Variants in DGKG observed in about 807,000 individuals in gnomAD.
The protein encoded by DGKG is DAG kinase gamma.
In DGKG, 78 loss-of-function variants were observed where a neutral mutation model predicts 105.3. The observed-to-expected ratio is 0.74, with a 90% confidence interval of 0.62 to 0.89. DGKG has a LOEUF of 0.89. Ranked by LOEUF, DGKG falls within the 40% of genes least tolerant of loss-of-function variation. The pLI is 0.00. For missense variants in DGKG, 958 were observed against 1,020.1 expected (o/e 0.94, Z 0.83); for synonymous variants, 346 against 367.1 (o/e 0.94, Z 0.66).
intron 1 of DGKG, among the ~76,000 whole-genome samples, chr3:186,354,849 C>T (rs1726830987): frequency 6.6e-6 from 1 of 152,144 alleles, no homozygotes; most frequent in African/African-American, 2.4e-5. Flanking sequence ...GGCTCCTATT[C>T]TGGCTGGGTA....
chr3:186,249,472 C>T (rs1246844188), intron 19 of DGKG, among the ~76,000 whole-genome samples: 5 of 152,104 alleles, frequency 3.3e-5, no homozygotes, highest in Non-Finnish European at 7.4e-5. Context: ...ATTTTAAATC[C>T]TTCTGTAAAT....
chr3:186,358,918 G>T (rs1461583166), intron 1 of DGKG, among the ~76,000 whole-genome samples: 1 of 152,158 alleles, frequency 6.6e-6, no homozygotes, highest in African/African-American at 2.4e-5. Context: ...TTACATGATG[G>T]TTTGATTTGT....
At chr3:186,276,787 G>T (rs1293064742) in intron 9 of DGKG, among the ~76,000 whole-genome samples, 2 of 152,196 alleles carry the variant, frequency 1.3e-5, no homozygotes, top group Non-Finnish European at 2.9e-5. Flanking sequence ...CTCTTGGGCT[G>T]GTTTCATGAT....
intron 17 of DGKG, among the ~76,000 whole-genome samples, chr3:186,253,662 C>T (rs1455847523): frequency 1.3e-5 from 2 of 152,220 alleles, no homozygotes; most frequent in African/African-American, 4.8e-5. Flanking sequence ...TCTCATCTGA[C>T]TGCAGCAGCT....
In DGKG at chr3:186,194,803, T is replaced by TAAAA. The variant is rs57878064; in HGVS notation, c.1918-6428_1918-6425dup. On this transcript the variant is annotated intron_variant, in intron 21 of 24. Transcript: ENST00000265022. ...CCACGACTCTTTCTTGGTCTTTCTTTAAAAAAAAAAAAAAAAAAAGCCGGG... is the reference window on the plus strand; with the variant it reads ...CCACGACTCTTTCTTGGTCTTTCTTTAAAAAAAAAAAAAAAAAAAAAAAGCCGGG... 2.5e-3 allele frequency among the ~76,000 whole-genome samples: 259 copies of TAAAA among 105,392 alleles called. 6 individuals carry two copies. Among genetic ancestry groups the TAAAA allele is most frequent in the African/African-American group, 8.6e-3 (241 of 27,920 alleles). The allele number at this position is 105,392 out of a possible 152,430, so 69.1% of individuals were successfully genotyped here.
rs148021171 is a variant in DGKG at position 186,267,006 on chromosome 3, G to A, written c.1209+679C>T. ...TAAGATGGGAAGATGGCAAAATTAA[G>A]TGTTTGACGCTTGTTTGAAAGAGGA... is the stretch of plus-strand genomic sequence containing the variant. On this transcript the variant is annotated intron_variant, in intron 13 of 24. Coordinates refer to ENST00000265022, the MANE Select transcript of DGKG (RefSeq NM_001346.3). 5.6e-3 allele frequency among the ~76,000 whole-genome samples: 860 copies of A among 152,338 alleles called. 8 individuals carry two copies. The highest frequency in any genetic ancestry group is 0.031 in the Middle Eastern group (9 of 294).
rs574206412 is a variant in DGKG, at chr3:186,246,763, A to C, written c.1762-4195T>G. Among the ~76,000 whole-genome samples, 7 of 152,308 alleles carry C rather than the reference A, an allele frequency of 4.6e-5. No homozygotes were observed. The South Asian group carries it at 1.5e-3, about 32-fold the overall frequency. ...GAAATTCCCTATGTGTAGGACGCTT[A>C]TCATGGTGGGAAGCTTGTCTGGTGA... On this transcript the variant is annotated intron_variant, in intron 19 of 24. Coordinates refer to ENST00000265022, the MANE Select transcript of DGKG (RefSeq NM_001346.3).
chr3:186,236,929 T>C (rs1275978770), intron 20 of DGKG, among the ~76,000 whole-genome samples: 1 of 152,246 alleles, frequency 6.6e-6, no homozygotes, highest in Non-Finnish European at 1.5e-5. Context: ...ATTCCACAGT[T>C]AGACTTCTCT....
At chr3:186,342,785 T>C (rs994577129) in intron 1 of DGKG, among the ~76,000 whole-genome samples, 1 of 152,162 alleles carries the variant, frequency 6.6e-6, no homozygotes, top group Admixed American at 6.5e-5. Context: ...TAGTTATGAT[T>C]AGATGAGATT....
chr3:186,207,534 A>T (rs542876355), intron 21 of DGKG: 1 of 979,438 alleles, frequency 1.0e-6, no homozygotes. Context: ...GTTACATAAA[A>T]AAACAAAAAC....
chr3:186,229,957 G>A (rs1291960627), intron 20 of DGKG, among the ~76,000 whole-genome samples: 4 of 152,172 alleles, frequency 2.6e-5, no homozygotes, highest in South Asian at 2.1e-4. Flanking sequence ...GGGACAGAAT[G>A]TGTCAAAAAC....
chr3:186,331,438 T>C (rs545180511), intron 1 of DGKG, among the ~76,000 whole-genome samples: 1 of 152,356 alleles, frequency 6.6e-6, no homozygotes, highest in South Asian at 2.1e-4. Context: ...ATTACTGGCA[T>C]GTAGTCCTTA....
chr3:186,268,618 G>A (rs1214077318), intron 12 of DGKG, among the ~76,000 whole-genome samples, 183 bp downstream of exon 12: 1 of 152,208 alleles, frequency 6.6e-6, no homozygotes, highest in African/African-American at 2.4e-5. Flanking sequence ...CTCTCTCTGG[G>A]CAGCTTGGTA....
intron 20 of DGKG, among the ~76,000 whole-genome samples, chr3:186,229,555 C>T (rs1720033280): frequency 6.6e-6 from 1 of 152,018 alleles, no homozygotes; most frequent in Non-Finnish European, 1.5e-5. Flanking sequence ...AGACATGCAG[C>T]TTTTAGAGCT....
At chr3:186,299,938 G>T (rs1390232056) in intron 3 of DGKG, among the ~76,000 whole-genome samples, 2 of 151,058 alleles carry the variant, frequency 1.3e-5, no homozygotes, top group African/African-American at 4.9e-5. Context: ...TAGTTCAAGT[G>T]ATCCTCACGC....
intron 24 of DGKG, among the ~76,000 whole-genome samples, chr3:186,151,359 A>C (rs1309087125): frequency 6.6e-6 from 1 of 152,230 alleles, no homozygotes; most frequent in Non-Finnish European, 1.5e-5. Context: ...GAACAACAGA[A>C]CTCTTGAACA....
At chr3:186,209,946 T>G (rs1016373095) in intron 21 of DGKG, among the ~76,000 whole-genome samples, 9 of 152,168 alleles carry the variant, frequency 5.9e-5, no homozygotes, top group Admixed American at 3.9e-4. Context: ...TATGGAGAGA[T>G]AAGGAAAACA....
At chr3:186,268,665 A>T in intron 12 of DGKG, 136 bp downstream of exon 12, 1 of 626,540 alleles carries the variant, frequency 1.6e-6, no homozygotes, top group Non-Finnish European at 2.8e-6. Flanking sequence ...GGCATTGAAT[A>T]GGCGCTGTGG....
At chr3:186,353,499 A>G (rs553916505) in intron 1 of DGKG, among the ~76,000 whole-genome samples, 1 of 151,426 alleles carries the variant, frequency 6.6e-6, no homozygotes, top group Admixed American at 6.6e-5. Context: ...AGCCTGGGTG[A>G]CAGAGTGAGA....
Sources: allele counts gnomAD v4.1 joint callset (sites outside exome capture counted in the v4.1 genomes callset), GRCh38; gene constraint gnomAD v4.1.1; transcripts MANE v1.5; gene names NCBI Gene and HGNC (gene_info 2026-07-23, HGNC 2026-07-21).